The following PRIMPOL variants were observed in gnomAD, a reference collection of about 807,000 sequenced individuals.
PRIMPOL encodes primase and DNA directed polymerase.
PRIMPOL carries 54 observed loss-of-function variants against 63.6 expected under a neutral mutation model. The observed-to-expected ratio is 0.85, with a 90% CI of 0.68 to 1.07. The LOEUF (loss-of-function observed/expected upper bound fraction) is 1.07. Among genes scored for constraint, PRIMPOL ranks in the 50% least tolerant of loss-of-function variants. The pLI, the probability that PRIMPOL is intolerant of heterozygous loss-of-function variation, is 0.00. For missense variants in PRIMPOL, 610 were observed against 648.3 expected (o/e 0.94, Z 0.64); for synonymous variants, 197 against 220.2 (o/e 0.89, Z 0.93).
At chr4:184,667,684 A>G (rs578222778) in intron 6 of PRIMPOL, among the ~76,000 whole-genome samples, 4 of 152,306 alleles carry the variant, frequency 2.6e-5, no homozygotes, top group Admixed American at 2.6e-4. Context: ...CAGTTACAGC[A>G]GGTAATTTAT....
chr4:184,662,887 T>C (rs1490414435), intron 5 of PRIMPOL, among the ~76,000 whole-genome samples: 6 of 151,666 alleles, frequency 4.0e-5, no homozygotes. Context: ...AGAAGAAATA[T>C]ATATAAAGTC....
intron 7 of PRIMPOL, among the ~76,000 whole-genome samples, chr4:184,676,358 C>T (rs1163872778): frequency 1.9e-5 from 2 of 102,892 alleles, no homozygotes; most frequent in African/African-American, 4.4e-5. Context: ...TTTTCCTTCC[C>T]TTCTCCTTTC....
chr4:184,672,066 A>T, intron 6 of PRIMPOL, 107 bp from the exon 7 acceptor site: 1 of 1,089,924 alleles, frequency 9.2e-7, no homozygotes, highest in South Asian at 1.5e-5. Flanking sequence ...ACCAGAAATC[A>T]AAAAATGGTT....
At chr4:184,683,935 A>T (rs1429742575) in intron 9 of PRIMPOL, among the ~76,000 whole-genome samples, 2 of 152,182 alleles carry the variant, frequency 1.3e-5, no homozygotes, top group African/African-American at 4.8e-5. Context: ...TTAAAAGAAA[A>T]ACTAGTCTCT....
intron 1 of PRIMPOL, among the ~76,000 whole-genome samples, 170 bp from the exon 2 acceptor site, chr4:184,651,853 T>TG (rs1290906875): frequency 6.6e-6 from 1 of 152,242 alleles, no homozygotes; most frequent in African/African-American, 2.4e-5. Context: ...TTCACCATGT[T>TG]GGCCAGGCTG....
intron 8 of PRIMPOL, among the ~76,000 whole-genome samples, chr4:184,679,544 T>G (rs1296587963): frequency 6.6e-6 from 1 of 152,218 alleles, no homozygotes; most frequent in East Asian, 1.9e-4. Context: ...CATTTGATGT[T>G]GATAAGTTAT....
intron 11 of PRIMPOL, among the ~76,000 whole-genome samples, chr4:184,688,003 G>A (rs190295984): frequency 1.3e-5 from 2 of 152,276 alleles, no homozygotes; most frequent in East Asian, 3.9e-4. Context: ...TTTCACCCAC[G>A]TTGCAGTATG....
chr4:184,693,580 C>A (rs951308607), intron 13 of PRIMPOL, among the ~76,000 whole-genome samples: 1 of 152,066 alleles, frequency 6.6e-6, no homozygotes, highest in African/African-American at 2.4e-5. Flanking sequence ...GTTATTTATA[C>A]CTGCTTTTCT....
chr4:184,664,748 T>C (rs1749358586), intron 5 of PRIMPOL, among the ~76,000 whole-genome samples: 1 of 152,142 alleles, frequency 6.6e-6, no homozygotes, highest in African/African-American at 2.4e-5. Flanking sequence ...AGCTAAAAAA[T>C]TGGGATTCTG....
chr4:184,682,425 T>C (rs1755868860), intron 9 of PRIMPOL, 89 bp downstream of exon 9: 4 of 666,366 alleles, frequency 6.0e-6, no homozygotes, highest in Non-Finnish European at 1.1e-5. Context: ...CTCGGCTCAC[T>C]GCAGCCTCCT....
intron 6 of PRIMPOL, 60 bp from the exon 7 acceptor site, chr4:184,672,113 G>T (rs1035173543): frequency 6.4e-6 from 9 of 1,408,122 alleles, no homozygotes; most frequent in African/African-American, 1.4e-5. Flanking sequence ...TTCCTGGCTA[G>T]ACCTTAAGAT....
intron 13 of PRIMPOL, among the ~76,000 whole-genome samples, chr4:184,693,166 A>C (rs1759373121): frequency 6.6e-6 from 1 of 152,232 alleles, no homozygotes; most frequent in Non-Finnish European, 1.5e-5. Context: ...TGGAAATTCC[A>C]TTCTTGGTCT....
Position 184,659,457 on chromosome 4 carries a change from A to G in PRIMPOL, c.278+20A>G, listed in dbSNP as rs753041920. ...ATCCAGGTAGGTAGCATGCAGCAGA[A>G]CCACACATTAAGCTAGAGTTCCATT... On this transcript the variant is annotated intron_variant, in intron 4 of 13. Transcript: ENST00000314970. 6.6e-7 allele frequency: 1 copy of G among 1,504,546 alleles called. No homozygotes were observed. The highest frequency in any genetic ancestry group is 1.7e-5 in the Admixed American group (1 of 59,762). The allele number at this position is 1,504,546 out of a possible 1,614,324, so 93.2% of individuals were successfully genotyped here.
intron 4 of PRIMPOL, among the ~76,000 whole-genome samples, chr4:184,659,882 A>G (rs1229423694): frequency 6.6e-6 from 1 of 152,128 alleles, no homozygotes; most frequent in Non-Finnish European, 1.5e-5. Flanking sequence ...CTGCAGTGCC[A>G]TGGTCTCGGC....
At chr4:184,675,065 G>A (rs2705899) in intron 7 of PRIMPOL, among the ~76,000 whole-genome samples, 131,385 of 152,276 alleles carry the variant, frequency 0.86, 56,788 homozygotes, top group East Asian at 1. Flanking sequence ...TGACTGTGAA[G>A]CGCAATTGAT....
At chr4:184,693,746 T>C (rs1759667580) in intron 13 of PRIMPOL, among the ~76,000 whole-genome samples, 1 of 147,986 alleles carries the variant, frequency 6.8e-6, no homozygotes, top group Admixed American at 6.7e-5. Context: ...CTCTACTGTA[T>C]ACATACGCAT....
At chr4:184,694,498 T>C (rs1260835771) in intron 13 of PRIMPOL, 24 bp from the exon 14 acceptor site, 1 of 1,604,870 alleles carries the variant, frequency 6.2e-7, no homozygotes, top group East Asian at 2.2e-5. Flanking sequence ...TCCCACTCTC[T>C]ATCCCTTCAC....
chr4:184,659,261 T>A, intron 3 of PRIMPOL, 79 bp from the exon 4 acceptor site: 2 of 1,016,806 alleles, frequency 2.0e-6, no homozygotes, highest in Non-Finnish European at 3.0e-6. Context: ...AAAAATTCTT[T>A]ATGAACATTC....
intron 6 of PRIMPOL, among the ~76,000 whole-genome samples, chr4:184,669,457 G>C (rs1022181975): frequency 6.6e-6 from 1 of 152,208 alleles, no homozygotes; most frequent in Non-Finnish European, 1.5e-5. Context: ...CTGCCGTCAG[G>C]GTGTGGAGGC....
Sources: gnomAD v4.1 joint callset for allele counts (sites outside exome capture counted in the v4.1 genomes callset) on GRCh38, gnomAD v4.1.1 for gene constraint, MANE v1.5 for transcripts, NCBI Gene and HGNC (gene_info 2026-07-23, HGNC 2026-07-21) for gene names.